The following NOVA1 variants were observed in gnomAD, a reference collection of about 807,000 sequenced individuals.
NOVA1 encodes RNA-binding protein Nova-1.
NOVA1 carries 7 observed loss-of-function variants against 38.0 expected under a neutral mutation model. The observed-to-expected ratio is 0.18, with a 90% CI of 0.10 to 0.35. The LOEUF (loss-of-function observed/expected upper bound fraction) is 0.35, where lower values mean the gene tolerates loss of function less well. NOVA1 is among the 10% of genes least tolerant of loss of function. The pLI, the probability that NOVA1 is intolerant of heterozygous loss-of-function variation, is 1.00. For missense variants in NOVA1, 460 were observed against 616.0 expected (o/e 0.75, Z 2.68); for synonymous variants, 270 against 232.5 (o/e 1.16, Z -1.47).
At chr14:26,501,985 A>G (rs1453616417) in intron 2 of NOVA1, among the ~76,000 whole-genome samples, 1 of 151,998 alleles carries the variant, frequency 6.6e-6, no homozygotes, top group Non-Finnish European at 1.5e-5. Context: ...ACTATGTATA[A>G]ATACTTCAGA....
chr14:26,502,139 C>T (rs1887286254), intron 2 of NOVA1, among the ~76,000 whole-genome samples: 1 of 151,752 alleles, frequency 6.6e-6, no homozygotes, highest in African/African-American at 2.4e-5. Flanking sequence ...TAACTAGTTC[C>T]TTCTTTTTTT....
chr14:26,482,989 C>A (rs887042930), intron 2 of NOVA1, among the ~76,000 whole-genome samples: 1 of 152,120 alleles, frequency 6.6e-6, no homozygotes. Flanking sequence ...AGCCACCACG[C>A]CCGGCTTAAG....
chr14:26,466,385 T>TA (rs1884141926), intron 4 of NOVA1, among the ~76,000 whole-genome samples: 1 of 152,154 alleles, frequency 6.6e-6, no homozygotes, highest in Non-Finnish European at 1.5e-5. Context: ...TTTTTGGACT[T>TA]ACTGTATTTA....
intron 2 of NOVA1, among the ~76,000 whole-genome samples, chr14:26,511,939 G>T (rs541844331): frequency 6.6e-6 from 1 of 152,122 alleles, no homozygotes; most frequent in African/African-American, 2.4e-5. Context: ...TGAACATTTA[G>T]TACAATAATA....
At position 26,537,612 on chromosome 14, in the gene NOVA1, C is replaced by T. The variant is rs559496124; in HGVS notation, c.281-57469G>A. Among the ~76,000 whole-genome samples the T allele has an allele frequency of 5.3e-5, 8 of 152,236 alleles. No individual in the cohort carries two copies. In the South Asian group the frequency reaches 1.7e-3, roughly 32 times the overall value. ...TAATGCCCTTATATCATCCACTCCA[C>T]AATATGTATTTATTACCCACCATAT... On this transcript the variant is annotated intron_variant, in intron 2 of 4. Coordinates refer to ENST00000539517, the MANE Select transcript of NOVA1 (RefSeq NM_002515.3).
At chr14:26,558,976 G>A (rs1000375185) in intron 2 of NOVA1, among the ~76,000 whole-genome samples, 3 of 151,956 alleles carry the variant, frequency 2.0e-5, no homozygotes, top group Non-Finnish European at 2.9e-5. Flanking sequence ...TACATATCAT[G>A]CACCTCGCTT....
At position 26,447,932 on chromosome 14, in the gene NOVA1, A is replaced by C. The variant is rs1322741310; in HGVS notation, c.*27T>G. 1 of 1,600,648 alleles carries C rather than the reference A, an allele frequency of 6.2e-7. No homozygotes were observed. Among genetic ancestry groups the C allele is most frequent in the Non-Finnish European group, 8.6e-7 (1 of 1,168,548 alleles). On this transcript the variant is annotated 3_prime_UTR_variant, in exon 5 of 5. Coordinates refer to ENST00000539517, the MANE Select transcript of NOVA1 (RefSeq NM_002515.3). ...TGAAAATGGGGTAAAGGAGGGGTTA[A>C]AACAATCTGATGTGTAACTGGGGCA...
intron 2 of NOVA1, among the ~76,000 whole-genome samples, chr14:26,543,784 T>G (rs532795105): frequency 7.9e-5 from 12 of 152,096 alleles, no homozygotes; most frequent in African/African-American, 2.9e-4. Flanking sequence ...CAGCCAATGA[T>G]CCAAAGCTGA....
At chr14:26,454,703 A>G (rs1286730673) in intron 4 of NOVA1, among the ~76,000 whole-genome samples, 1 of 152,148 alleles carries the variant, frequency 6.6e-6, no homozygotes, top group Non-Finnish European at 1.5e-5. Flanking sequence ...ATCATGCATT[A>G]TTTGCCTATC....
In NOVA1 at chr14:26,446,209, A is replaced by T. The variant is rs1216583862; in HGVS notation, c.*1750T>A. 2.6e-5 allele frequency: 4 copies of T among 152,636 alleles called. No individual in the cohort carries two copies. Among genetic ancestry groups the T allele is most frequent in the Non-Finnish European group, 5.9e-5 (4 of 68,040 alleles). The allele number at this position is 152,636 out of a possible 1,614,324, so 9.5% of individuals were successfully genotyped here. ...ACAGTTTGACAGAAATGAATTATTAATAGTGGAAGGGGAAGGGATCAGGAA... is the reference window on the plus strand; with the variant it reads ...ACAGTTTGACAGAAATGAATTATTATTAGTGGAAGGGGAAGGGATCAGGAA... On this transcript the variant is annotated 3_prime_UTR_variant, in exon 5 of 5. Transcript: ENST00000539517.
At position 26,573,117 on chromosome 14, in the gene NOVA1, T is replaced by C. The variant is rs570985676; in HGVS notation, c.280+22293A>G. Among the ~76,000 whole-genome samples, 23 of 152,188 alleles carry C rather than the reference T, an allele frequency of 1.5e-4. 1 individual carries two copies. The highest frequency in any genetic ancestry group is 8.3e-4 in the South Asian group (4 of 4,828). ...AAGAAACAAAAGAAATCCATAAAAA[T>C]GTCTGAGATAGTACAGTTAGAGAAA... On this transcript the variant is annotated intron_variant, in intron 2 of 4. Coordinates refer to ENST00000539517, the MANE Select transcript of NOVA1 (RefSeq NM_002515.3).
At chr14:26,546,190 T>C (rs1890779196) in intron 2 of NOVA1, among the ~76,000 whole-genome samples, 1 of 152,078 alleles carries the variant, frequency 6.6e-6, no homozygotes, top group Non-Finnish European at 1.5e-5. Flanking sequence ...ATAAATTATA[T>C]TTTGGATAAT....
chr14:26,561,385 T>C (rs1891812098), intron 2 of NOVA1, among the ~76,000 whole-genome samples: 1 of 152,244 alleles, frequency 6.6e-6, no homozygotes, highest in Non-Finnish European at 1.5e-5. Context: ...GATTTTGAAA[T>C]CTATTTGCAT....
Position 26,448,540 on chromosome 14 carries a change from T to C in NOVA1, c.943A>G (p.Ile315Val). The C allele has an allele frequency of 1.9e-6, 3 of 1,614,210 alleles. No homozygotes were observed. The highest frequency in any genetic ancestry group is 2.5e-6 in the Non-Finnish European group (3 of 1,180,032). The change falls in exon 5 of 5, where the codon ATC (isoleucine) becomes GTC (valine). Residue 315 changes from isoleucine (I) to valine (V), a missense_variant. Coordinates refer to ENST00000539517, the MANE Select transcript of NOVA1 (RefSeq NM_002515.3). This position sits in a 1 kb window ranked among gnomAD's most constrained non-coding sequence, Gnocchi z 5.3. ...GCTAATGTATTAAGTGCAGAGGTGATGGCCACCAGGTCATTGCCTGTGAAG... is the reference window on the plus strand; with the variant it reads ...GCTAATGTATTAAGTGCAGAGGTGACGGCCACCAGGTCATTGCCTGTGAAG... ...SGFTGNDLVA[I>V]TSALNTLASY...
At chr14:26,540,797 T>C (rs1890420030) in intron 2 of NOVA1, among the ~76,000 whole-genome samples, 1 of 152,180 alleles carries the variant, frequency 6.6e-6, no homozygotes, top group Non-Finnish European at 1.5e-5. Flanking sequence ...TACTTCACAA[T>C]TAGTTGAGTG....
intron 1 of NOVA1, chr14:26,596,694 T>C (rs1242115269): frequency 7.8e-7 from 1 of 1,288,244 alleles, no homozygotes; most frequent in African/African-American, 1.5e-5. Context: ...AAGTCACCGT[T>C]CCAGACACCC....
At chr14:26,564,186 G>A (rs1425038257) in intron 2 of NOVA1, among the ~76,000 whole-genome samples, 1 of 152,078 alleles carries the variant, frequency 6.6e-6, no homozygotes, top group Admixed American at 6.5e-5. Flanking sequence ...GGACCTCATA[G>A]GGCCTGACGT....
intron 2 of NOVA1, chr14:26,568,335 A>T (rs1025230627): frequency 6.6e-6 from 1 of 152,220 alleles, no homozygotes; most frequent in Non-Finnish European, 1.5e-5. Context: ...GCAGTGCTAT[A>T]CAATGTACAG....
At chr14:26,549,424 A>G (rs1231717760) in intron 2 of NOVA1, 2 of 159,232 alleles carry the variant, frequency 1.3e-5, no homozygotes, top group Admixed American at 1.2e-4. Context: ...AAACAATATG[A>G]TTAAGTTCCA....
Sources: allele counts gnomAD v4.1 joint callset (sites outside exome capture counted in the v4.1 genomes callset), GRCh38; gene constraint gnomAD v4.1.1; non-coding constraint Gnocchi (gnomAD v3.1); transcripts MANE v1.5; gene names NCBI Gene and HGNC (gene_info 2026-07-23, HGNC 2026-07-21).